The following CAMKMT variants were observed in gnomAD, a reference collection of about 807,000 sequenced individuals.
CAMKMT encodes calmodulin-lysine N-methyltransferase, also known as CaM KMT.
Under a neutral mutation model 48.0 loss-of-function variants are expected in CAMKMT, and 53 were observed. That is an observed-to-expected ratio of 1.10 (90% CI 0.89 to 1.39). CAMKMT has a LOEUF of 1.39. Ranked by LOEUF, CAMKMT falls within the 40% of genes most tolerant of loss-of-function variation. The pLI, the probability that CAMKMT is intolerant of heterozygous loss-of-function variation, is 0.00. For synonymous variants in CAMKMT, 165 were observed against 152.3 expected, an observed-to-expected ratio of 1.08 and a Z score of -0.61; for missense variants, 428 against 402.7, an observed-to-expected ratio of 1.06 and a Z score of -0.54.
At position 44,449,092 on chromosome 2, in the gene CAMKMT, G is replaced by T. The variant is rs552061617; in HGVS notation, c.376+58787G>T. Among the ~76,000 whole-genome samples the T allele has an allele frequency of 2.6e-3, 400 of 152,254 alleles. 2 individuals are homozygous for T. The highest frequency in any genetic ancestry group is 9.1e-3 in the African/African-American group (378 of 41,558). On this transcript the variant is annotated intron_variant, in intron 3 of 10. Coordinates refer to ENST00000378494, the MANE Select transcript of CAMKMT (RefSeq NM_024766.5). ...TAAATACACAAAAAACTATTAAGTT[G>T]TACCATTTAACTGGGTGAACTTTGT...
At chr2:44,407,797 T>C (rs1253035618) in intron 3 of CAMKMT, among the ~76,000 whole-genome samples, 1 of 152,178 alleles carries the variant, frequency 6.6e-6, no homozygotes, top group Non-Finnish European at 1.5e-5. Context: ...GATGTGAAAG[T>C]ATTTTTTCTT....
intron 3 of CAMKMT, among the ~76,000 whole-genome samples, chr2:44,667,346 C>G (rs1269107799): frequency 6.6e-6 from 1 of 152,196 alleles, no homozygotes; most frequent in Non-Finnish European, 1.5e-5. Flanking sequence ...CCTGAGGACC[C>G]TGCTTCCCTT....
chr2:44,668,531 T>G (rs1675138892), intron 3 of CAMKMT, among the ~76,000 whole-genome samples: 1 of 152,226 alleles, frequency 6.6e-6, no homozygotes, highest in Non-Finnish European at 1.5e-5. Flanking sequence ...CTAGCTATCT[T>G]GTTTCTCTGC....
At chr2:44,532,543 C>T (rs1388893520) in intron 3 of CAMKMT, among the ~76,000 whole-genome samples, 3 of 152,136 alleles carry the variant, frequency 2.0e-5, no homozygotes, top group African/African-American at 4.8e-5. Flanking sequence ...AATTTGCCTC[C>T]CCTCAAACAG....
intron 3 of CAMKMT, among the ~76,000 whole-genome samples, chr2:44,615,954 C>A (rs1025169738): frequency 6.6e-6 from 1 of 152,146 alleles, no homozygotes; most frequent in South Asian, 2.1e-4. Context: ...AACTGAATTA[C>A]AGCCTATTCT....
chr2:44,514,983 T>C (rs1670764205), intron 3 of CAMKMT, among the ~76,000 whole-genome samples: 1 of 152,184 alleles, frequency 6.6e-6, no homozygotes, highest in African/African-American at 2.4e-5. Flanking sequence ...CTCTGAGAAG[T>C]TGGGTAGTCC....
intron 3 of CAMKMT, among the ~76,000 whole-genome samples, chr2:44,666,168 T>C (rs553725271): frequency 6.6e-6 from 1 of 152,216 alleles, no homozygotes; most frequent in African/African-American, 2.4e-5. Context: ...AACTTAAGCA[T>C]AGATAAGGAA....
At chr2:44,400,225 T>C (rs1366206975) in intron 3 of CAMKMT, among the ~76,000 whole-genome samples, 1 of 152,174 alleles carries the variant, frequency 6.6e-6, no homozygotes, top group African/African-American at 2.4e-5. Context: ...TATAAACTAA[T>C]AGAAACTGAG....
At chr2:44,387,198 G>A (rs770355020) in intron 2 of CAMKMT, among the ~76,000 whole-genome samples, 1 of 152,146 alleles carries the variant, frequency 6.6e-6, no homozygotes, top group African/African-American at 2.4e-5. Context: ...GGGAGCTCCA[G>A]TGTTAGGTAC....
rs1214988214 is a variant in CAMKMT at position 44,687,085 on chromosome 2, T to G, written c.377-17198T>G. Among the ~76,000 whole-genome samples, 3 of 152,236 alleles carry G rather than the reference T, an allele frequency of 2.0e-5. No homozygotes were observed. In the East Asian group the frequency reaches 5.8e-4, roughly 29 times the overall value. ...AATGTATGATAATTCTTGGCTACAC[T>G]AGTAAACAGTTTGACATGTGTTTAA... On this transcript the variant is annotated intron_variant, in intron 3 of 10. Transcript: ENST00000378494.
chr2:44,378,801 G>A (rs1679957123), intron 2 of CAMKMT, among the ~76,000 whole-genome samples: 1 of 152,206 alleles, frequency 6.6e-6, no homozygotes, highest in South Asian at 2.1e-4. Flanking sequence ...CTAGAATTAA[G>A]TTTTTAAAAC....
At chr2:44,517,899 A>T (rs1198001350) in intron 3 of CAMKMT, among the ~76,000 whole-genome samples, 1 of 152,200 alleles carries the variant, frequency 6.6e-6, no homozygotes, top group African/African-American at 2.4e-5. Context: ...AAAGTGAATG[A>T]TGTTTTACAC....
intron 3 of CAMKMT, among the ~76,000 whole-genome samples, chr2:44,647,931 A>G (rs2104024013): frequency 6.7e-6 from 1 of 149,674 alleles, no homozygotes; most frequent in Admixed American, 6.6e-5. Flanking sequence ...AAAAAAAAAA[A>G]GAAACTATGA....
intron 3 of CAMKMT, among the ~76,000 whole-genome samples, chr2:44,517,565 T>C (rs1016064123): frequency 6.6e-6 from 1 of 152,194 alleles, no homozygotes; most frequent in Admixed American, 6.5e-5. Flanking sequence ...TTATTTTAAC[T>C]TGAAGAGTAT....
chr2:44,757,638 A>G (rs1680436694), intron 9 of CAMKMT, among the ~76,000 whole-genome samples: 1 of 148,430 alleles, frequency 6.7e-6, no homozygotes, highest in Admixed American at 6.8e-5. Flanking sequence ...ATCTCAGCTT[A>G]TTGCAACTTC....
chr2:44,469,751 C>T (rs1487721928), intron 3 of CAMKMT, among the ~76,000 whole-genome samples: 1 of 152,072 alleles, frequency 6.6e-6, no homozygotes, highest in Non-Finnish European at 1.5e-5. Context: ...TCTGTCTCCT[C>T]ACATTTTCAG....
At chr2:44,599,689 G>T (rs544996273) in intron 3 of CAMKMT, among the ~76,000 whole-genome samples, 16 of 151,974 alleles carry the variant, frequency 1.1e-4, no homozygotes, top group African/African-American at 3.4e-4. Context: ...GGAACTTAGG[G>T]CTTAGATTCC....
intron 3 of CAMKMT, among the ~76,000 whole-genome samples, chr2:44,562,720 C>A (rs1341010113): frequency 6.6e-6 from 1 of 152,136 alleles, no homozygotes; most frequent in Non-Finnish European, 1.5e-5. Context: ...GCCACCACAC[C>A]CAGCTAATTC....
chr2:44,588,606 G>GA (rs1670055486), intron 3 of CAMKMT, among the ~76,000 whole-genome samples: 7 of 35,274 alleles, frequency 2.0e-4, no homozygotes, highest in Non-Finnish European at 3.0e-4. Context: ...GAGGTGGGGG[G>GA]TCAGCCCCCC....
Sources: allele counts gnomAD v4.1 joint callset (sites outside exome capture counted in the v4.1 genomes callset), GRCh38; gene constraint gnomAD v4.1.1; transcripts MANE v1.5; gene names NCBI Gene and HGNC (gene_info 2026-07-23, HGNC 2026-07-21).